The following MADD variants were observed in gnomAD, a reference collection of about 807,000 sequenced individuals.
MADD encodes the protein MAP kinase-activating death domain protein.
A neutral mutation model predicts 176.7 loss-of-function variants in MADD; 109 were observed. The ratio of observed to expected loss-of-function variants is 0.62; its 90% CI spans 0.53 to 0.72. The LOEUF is 0.72. MADD is among the 30% of genes least tolerant of loss of function. The pLI, the probability that MADD is intolerant of heterozygous loss-of-function variation, is 0.00. For missense variants in MADD, 1,914 were observed against 2,045.5 expected (o/e 0.94, Z 1.24); for synonymous variants, 771 against 771.3 (o/e 1.00, Z 0.01).
chr11:47,322,510 G>A (rs1304659881), intron 27 of MADD, among the ~76,000 whole-genome samples: 1 of 152,136 alleles, frequency 6.6e-6, no homozygotes, highest in Non-Finnish European at 1.5e-5. Flanking sequence ...TACTCGAGAG[G>A]CTGAGGCAGG....
intron 13 of MADD, 37 bp downstream of exon 13, chr11:47,285,231 A>G: frequency 1.2e-6 from 2 of 1,604,658 alleles, no homozygotes; most frequent in Admixed American, 3.3e-5. Context: ...TGGGTGACTG[A>G]AGGACCTCAC....
rs571603623 is a variant in MADD, at chr11:47,289,778, C to T, written c.2757-89C>T. On this transcript the variant is annotated intron_variant, in intron 16 of 32. Coordinates refer to ENST00000402192, the Ensembl canonical transcript of MADD. ...CAGAGACATGGCTTTGTGTTTTACCCCTGGAGGCAGACATCTAGTCTGGGT... is the reference window on the plus strand; with the variant it reads ...CAGAGACATGGCTTTGTGTTTTACCTCTGGAGGCAGACATCTAGTCTGGGT... The T allele has an allele frequency of 3.0e-4, 427 of 1,437,040 alleles. No individual in the cohort carries two copies. In the African/African-American group the frequency reaches 5.7e-3, roughly 19 times the overall value. The allele number at this position is 1,437,040 out of a possible 1,614,324, so 89.0% of individuals were successfully genotyped here.
rs960885281 is a variant in MADD at position 47,308,526 on chromosome 11, C to A, written c.3643-65C>A. 59 of 1,157,296 alleles carry A rather than the reference C, an allele frequency of 5.1e-5. No individual in the cohort carries two copies. In the Admixed American group the frequency reaches 6.7e-4, roughly 13 times the overall value. 71.7% of individuals were successfully genotyped at this position (1,157,296 alleles called of 1,614,324 possible). A position where few individuals can be genotyped will look rare whatever the true frequency, so the allele number is the denominator to read the frequency against. On this transcript the variant is annotated intron_variant, in intron 22 of 32. Coordinates refer to ENST00000402192, the Ensembl canonical transcript of MADD. Reference sequence around the variant, plus strand: ...GGTGTGAGAGCCTCTTAGTGAAGTGCGTGGTTTCCTTTGTCTCTATTCATT... The same window carrying A: ...GGTGTGAGAGCCTCTTAGTGAAGTGAGTGGTTTCCTTTGTCTCTATTCATT...
chr11:47,285,559 C>T lies in MADD; in HGVS notation c.2520C>T (p.Thr840=), dbSNP rs776600995. Residue 840 remains threonine (T), a synonymous_variant, in exon 14 of 33, where the codon ACC becomes ACT. Coordinates refer to ENST00000402192, the Ensembl canonical transcript of MADD. ...ACTCCACCGTCTCCAACACCAGCAC[C>T]GAGGGCTTCGGGGGCATCATGTCTT... is the stretch of plus-strand genomic sequence containing the variant. The T allele has an allele frequency of 2.1e-5, 34 of 1,614,158 alleles. No homozygotes were observed. In the East Asian group the frequency reaches 3.1e-4, roughly 15 times the overall value.
At chr11:47,287,744 A>G (rs993139728) in intron 15 of MADD, among the ~76,000 whole-genome samples, 2 of 149,728 alleles carry the variant, frequency 1.3e-5, no homozygotes, top group Non-Finnish European at 3.0e-5. Flanking sequence ...GTATGACGAA[A>G]TATTTAACTG....
chr11:47,327,679 G>A (rs1013900346), intron 31 of MADD: 58 of 985,236 alleles, frequency 5.9e-5, no homozygotes, highest in Non-Finnish European at 6.7e-5. Flanking sequence ...CTTCCAACTC[G>A]GGAGAATGGC....
chr11:47,308,578 CTCT>C lies in MADD; in HGVS notation c.3643-9_3643-7del. The C allele has an allele frequency of 6.2e-7, 1 of 1,609,692 alleles. No homozygotes were observed. The highest frequency in any genetic ancestry group is 8.5e-7 in the Non-Finnish European group (1 of 1,176,406). ...CTACCTCTGGCCACTGACCTATCAC[CTCT>C]TCTCTCTAGGGTAAAGCCCACAGCT... On this transcript the variant is annotated splice_polypyrimidine_tract_variant and intron_variant, in intron 22 of 32. Coordinates refer to ENST00000402192, the Ensembl canonical transcript of MADD.
intron 31 of MADD, 148 bp from the exon 36 acceptor site, chr11:47,328,510 C>T (rs1052409695): frequency 6.6e-7 from 1 of 1,505,740 alleles, no homozygotes; most frequent in Non-Finnish European, 8.9e-7. Flanking sequence ...TGGCCTCTGC[C>T]CTGTCATAGC....
At position 47,326,756 on chromosome 11, in the gene MADD, C is replaced by CA; in HGVS notation, c.4562dup (p.His1521GlnfsTer3). On this transcript the variant is annotated frameshift_variant, in exon 31 of 33. Coordinates refer to ENST00000402192, the Ensembl canonical transcript of MADD. LOFTEE classifies it high-confidence loss of function. The stretch of plus-strand genomic sequence containing the variant: ...CTTGCAGGTTTTCATAGAGCTGAAT[C>CA]ACATTAAAAAGTGCAATACAGTTCG... 1 of 1,614,118 alleles carries CA rather than the reference C, an allele frequency of 6.2e-7. No individual in the cohort carries two copies. Among genetic ancestry groups the CA allele is most frequent in the Non-Finnish European group, 8.5e-7 (1 of 1,180,000 alleles).
chr11:47,306,997 G>A (rs2083278350), intron 22 of MADD, among the ~76,000 whole-genome samples: 1 of 151,916 alleles, frequency 6.6e-6, no homozygotes, highest in Non-Finnish European at 1.5e-5. Flanking sequence ...AAACTTCTGG[G>A]CTCAAGCAAT....
At chr11:47,317,762 AT>A (rs1314828524) in intron 27 of MADD, among the ~76,000 whole-genome samples, 1 of 148,898 alleles carries the variant, frequency 6.7e-6, no homozygotes, top group Non-Finnish European at 1.5e-5. Context: ...TAAATTTTTT[AT>A]TTGTATATAA....
chr11:47,323,052 A>T (rs995807004), intron 27 of MADD, among the ~76,000 whole-genome samples: 2 of 152,200 alleles, frequency 1.3e-5, no homozygotes, highest in Admixed American at 1.3e-4. Context: ...AGCCTGGCCA[A>T]CATGGTGAAA....
At chr11:47,308,106 G>A (rs900194733) in intron 22 of MADD, among the ~76,000 whole-genome samples, 2 of 152,232 alleles carry the variant, frequency 1.3e-5, no homozygotes, top group East Asian at 3.8e-4. Context: ...GCACTGTTAG[G>A]TGCCTTATAT....
rs34428529 is a variant in MADD, at chr11:47,279,381, C to CTTT, written c.1290+319_1290+321dup. On this transcript the variant is annotated intron_variant, in intron 7 of 32. Coordinates refer to ENST00000402192, the Ensembl canonical transcript of MADD. ...TATGGCTTCAGAACATTTTCTCAGT[C>CTTT]TTTTTTTTTTTTTTTTTTTGAGATG... 3.5e-4 allele frequency among the ~76,000 whole-genome samples: 41 copies of CTTT among 116,810 alleles called. 3 individuals carry two copies. The highest frequency in any genetic ancestry group is 1.5e-3 in the South Asian group (5 of 3,408). The allele number at this position is 116,810 out of a possible 152,430, so 76.6% of individuals were successfully genotyped here.
chr11:47,303,920 T>C (rs1359866046), intron 22 of MADD, among the ~76,000 whole-genome samples: 1 of 152,158 alleles, frequency 6.6e-6, no homozygotes, highest in African/African-American at 2.4e-5. Flanking sequence ...AGAGGACTTT[T>C]TTGGGTTGAA....
intron 27 of MADD, among the ~76,000 whole-genome samples, chr11:47,317,420 C>G (rs2093385573): frequency 6.6e-6 from 1 of 152,122 alleles, no homozygotes; most frequent in Admixed American, 6.6e-5. Context: ...CGTAATACCC[C>G]CTTTGCCATT....
chr11:47,282,744 T>A (rs1162416149), intron 9 of MADD, 69 bp from the exon 10 acceptor site: 3 of 1,598,554 alleles, frequency 1.9e-6, no homozygotes, highest in East Asian at 4.5e-5. Context: ...TTTTCCTGCC[T>A]TTCTTTCAGG....
At chr11:47,306,643 A>G (rs941681159) in intron 22 of MADD, among the ~76,000 whole-genome samples, 2 of 150,574 alleles carry the variant, frequency 1.3e-5, no homozygotes, top group Non-Finnish European at 3.0e-5. Flanking sequence ...GGGAAGGGGG[A>G]TGGGGGGGAG....
chr11:47,309,095 G>A (rs1227393944), intron 23 of MADD, 53 bp downstream of exon 26: 1 of 1,587,882 alleles, frequency 6.3e-7, no homozygotes, highest in Non-Finnish European at 8.6e-7. Flanking sequence ...GGGAGGGACT[G>A]GGCCTTACTT....
Sources: gnomAD v4.1 joint callset for allele counts (sites outside exome capture counted in the v4.1 genomes callset) on GRCh38, gnomAD v4.1.1 for gene constraint, MANE v1.5 for transcripts, NCBI Gene and HGNC (gene_info 2026-07-23, HGNC 2026-07-21) for gene names.